Variants in SLC8A3 observed in about 807,000 individuals in gnomAD.
The protein encoded by SLC8A3 is solute carrier family 8 member A3, also known as sodium/calcium exchanger 3.
Under a neutral mutation model 65.4 loss-of-function variants are expected in SLC8A3, and 37 were observed. That is an observed-to-expected ratio of 0.57 (90% CI 0.44 to 0.74). The LOEUF (loss-of-function observed/expected upper bound fraction) is 0.74, where lower values mean the gene tolerates loss of function less well. Ranked by LOEUF, SLC8A3 falls within the 30% of genes least tolerant of loss-of-function variation. The pLI is 0.00. For synonymous variants in SLC8A3, 461 were observed against 444.5 expected (o/e 1.04, Z -0.47); for missense variants, 1,112 against 1,172.1 (o/e 0.95, Z 0.75).
intron 2 of SLC8A3, among the ~76,000 whole-genome samples, chr14:70,096,306 T>A (rs12590573): frequency 0.44 from 66,287 of 152,038 alleles, 15,334 homozygotes; most frequent in South Asian, 0.65. Flanking sequence ...ATGGGCTACA[T>A]TGTCACTGGT....
chr14:70,136,319 T>C (rs1408653801), intron 2 of SLC8A3, among the ~76,000 whole-genome samples: 1 of 152,188 alleles, frequency 6.6e-6, no homozygotes, highest in Non-Finnish European at 1.5e-5. Flanking sequence ...CCTCCAGAAC[T>C]GTGAGGCAAT....
chr14:70,149,682 G>A (rs1009501097), intron 2 of SLC8A3, among the ~76,000 whole-genome samples: 2 of 152,190 alleles, frequency 1.3e-5, no homozygotes, highest in Non-Finnish European at 2.9e-5. Context: ...TCCAGCCCCA[G>A]AGTCCCACTG....
chr14:70,090,065 A>T (rs2140053687), intron 2 of SLC8A3, among the ~76,000 whole-genome samples: 1 of 151,668 alleles, frequency 6.6e-6, no homozygotes, highest in Middle Eastern at 3.4e-3. Context: ...TATTTTGCTA[A>T]CTGCAGCCAT....
At chr14:70,185,305 G>T (rs1395254201) in intron 1 of SLC8A3, among the ~76,000 whole-genome samples, 1 of 152,210 alleles carries the variant, frequency 6.6e-6, no homozygotes, top group Non-Finnish European at 1.5e-5. Flanking sequence ...AGTTTGAAAA[G>T]AAGTCCAGAT....
At chr14:70,081,127 C>T (rs956491753) in intron 2 of SLC8A3, among the ~76,000 whole-genome samples, 3 of 152,226 alleles carry the variant, frequency 2.0e-5, no homozygotes, top group Non-Finnish European at 4.4e-5. Context: ...AGCCGAGACA[C>T]TCAAGTTGAA....
At chr14:70,048,632 C>G in intron 6 of SLC8A3, 135 bp downstream of exon 6, 1 of 790,072 alleles carries the variant, frequency 1.3e-6, no homozygotes, top group Admixed American at 2.0e-5. Context: ...CTTTGATTGA[C>G]TTTTGTGCAC....
chr14:70,093,677 A>T (rs1891954798), intron 2 of SLC8A3, among the ~76,000 whole-genome samples: 1 of 152,164 alleles, frequency 6.6e-6, no homozygotes, highest in South Asian at 2.1e-4. Flanking sequence ...TTTGTCAAGG[A>T]GCTGGGGTGA....
chr14:70,173,382 C>G (rs17107921), intron 1 of SLC8A3, among the ~76,000 whole-genome samples: 5,414 of 152,270 alleles, frequency 0.036, 322 homozygotes, highest in African/African-American at 0.12. Context: ...AGCCCCGAGC[C>G]TCTCATCCCT....
chr14:70,153,703 C>A (rs1183613960), intron 2 of SLC8A3, among the ~76,000 whole-genome samples: 1 of 152,170 alleles, frequency 6.6e-6, no homozygotes, highest in Non-Finnish European at 1.5e-5. Flanking sequence ...AGACACTCAC[C>A]CCTCTGCCTC....
chr14:70,096,506 G>A lies in SLC8A3; in HGVS notation c.1785-35567C>T, dbSNP rs561979393. Among the ~76,000 whole-genome samples, 4 of 152,292 alleles carry A rather than the reference G, an allele frequency of 2.6e-5. No individual in the cohort carries two copies. In the South Asian group the frequency reaches 8.3e-4, roughly 32 times the overall value. On this transcript the variant is annotated intron_variant, in intron 2 of 6. Transcript: ENST00000356921. ...TTTCCCTGGATGTTTTCAAGTAGGA[G>A]GCAATATAGATTGGTGATTAAGAGC...
chr14:70,186,855 C>G (rs767538004), intron 1 of SLC8A3, among the ~76,000 whole-genome samples: 16 of 152,156 alleles, frequency 1.1e-4, no homozygotes, highest in Non-Finnish European at 2.4e-4. Context: ...GCCAAGAGCC[C>G]ATAAAGGGTG....
rs146181151 is a variant in SLC8A3, at chr14:70,168,417, C to T, written c.6G>A (p.Ala2=). Residue 2 remains alanine, a synonymous_variant, in exon 2 of 7, where the codon GCG becomes GCA. Coordinates refer to ENST00000356921, the MANE Select transcript of SLC8A3 (RefSeq NM_182932.3). M[A]WLRLQPLTSA... is the part of the protein sequence containing the mutation. Reference sequence around the variant, plus strand: ...AGGTGAGAGGCTGCAACCTTAACCACGCCATACACGAGACTTAGCCACTGG... The same window carrying T: ...AGGTGAGAGGCTGCAACCTTAACCATGCCATACACGAGACTTAGCCACTGG... 1.6e-5 allele frequency: 25 copies of T among 1,611,948 alleles called. No homozygotes were observed. In the East Asian group the frequency reaches 1.8e-4, roughly 12 times the overall value.
At chr14:70,066,759 C>T (rs900304659) in intron 2 of SLC8A3, among the ~76,000 whole-genome samples, 5 of 152,088 alleles carry the variant, frequency 3.3e-5, no homozygotes, top group Non-Finnish European at 5.9e-5. Context: ...TGCAGTGAGC[C>T]GAGATTGTGC....
At position 70,166,820 on chromosome 14, in the gene SLC8A3, C is replaced by A. The variant is rs1317856488; in HGVS notation, c.1603G>T (p.Glu535Ter). 3.1e-6 allele frequency: 5 copies of A among 1,614,060 alleles called. No homozygotes were observed. In the Admixed American group the frequency reaches 6.7e-5, roughly 22 times the overall value. The change falls in exon 2 of 7, where the codon GAA becomes TAA. Residue 535 changes from glutamate to a stop codon, truncating the protein, a stop_gained. Transcript: ENST00000356921. LOFTEE classifies it high-confidence loss of function. ...TCACTGACATGAATAGTATCACATT[C>A]AAAAGTGAAGATGCCTGCATGGTCA... Reference protein sequence around the residue: ...DDDHAGIFTFECDTIHVSESI... With the variant: ...DDDHAGIFTF
intron 2 of SLC8A3, among the ~76,000 whole-genome samples, chr14:70,094,952 A>G (rs1296774309): frequency 6.6e-6 from 1 of 152,258 alleles, no homozygotes; most frequent in African/African-American, 2.4e-5. Flanking sequence ...GCTAAAGCAC[A>G]GGCCCTTAGG....
chr14:70,083,078 A>G (rs1891174763), intron 2 of SLC8A3, among the ~76,000 whole-genome samples: 1 of 152,104 alleles, frequency 6.6e-6, no homozygotes, highest in South Asian at 2.1e-4. Flanking sequence ...TGATTTTAAA[A>G]ACCTTCATAA....
intron 2 of SLC8A3, among the ~76,000 whole-genome samples, chr14:70,139,356 G>T (rs779562113): frequency 2.0e-5 from 3 of 152,224 alleles, no homozygotes; most frequent in Non-Finnish European, 4.4e-5. Context: ...GAGGACACTG[G>T]TGTTCACTCC....
chr14:70,128,752 C>G (rs995181242), intron 2 of SLC8A3, among the ~76,000 whole-genome samples: 2 of 152,174 alleles, frequency 1.3e-5, no homozygotes, highest in Admixed American at 1.3e-4. Flanking sequence ...TGTTAAAACC[C>G]TTCTTTCCTG....
At chr14:70,064,652 C>T (rs1044285138) in intron 2 of SLC8A3, among the ~76,000 whole-genome samples, 1 of 152,138 alleles carries the variant, frequency 6.6e-6, no homozygotes, top group Non-Finnish European at 1.5e-5. Context: ...AAACAGGCTT[C>T]TGCAGTCACA....
Sources: gnomAD v4.1 joint callset for allele counts (sites outside exome capture counted in the v4.1 genomes callset) on GRCh38, gnomAD v4.1.1 for gene constraint, MANE v1.5 for transcripts, NCBI Gene and HGNC (gene_info 2026-07-23, HGNC 2026-07-21) for gene names.